Variants in PDE4D observed in about 807,000 individuals in gnomAD.
PDE4D encodes the protein 3',5'-cyclic-AMP phosphodiesterase 4D.
A neutral mutation model predicts 87.4 loss-of-function variants in PDE4D; 24 were observed. The observed-to-expected ratio is 0.27, with a 90% CI of 0.20 to 0.39. The LOEUF (loss-of-function observed/expected upper bound fraction) is 0.39, where lower values mean the gene tolerates loss of function less well. Ranked by LOEUF, PDE4D falls within the 10% of genes least tolerant of loss-of-function variation. The pLI is 1.00. For missense variants in PDE4D, 714 were observed against 1,041.0 expected, an observed-to-expected ratio of 0.69 and a Z score of 4.32; for synonymous variants, 384 against 383.2, an observed-to-expected ratio of 1.00 and a Z score of -0.02.
intron 1 of PDE4D, among the ~76,000 whole-genome samples, chr5:59,271,052 T>TTA (rs3061615): frequency 1.3e-5 from 2 of 149,802 alleles, no homozygotes; most frequent in Admixed American, 6.6e-5. Flanking sequence ...TTTTTTTTTT[T>TTA]AAATTGAGAC....
Position 59,406,855 on chromosome 5 carries a change from G to A in PDE4D, c.456-190887C>T, listed in dbSNP as rs1044893671. 3.3e-5 allele frequency among the ~76,000 whole-genome samples: 5 copies of A among 152,166 alleles called. No homozygotes were observed. The East Asian group carries it at 9.7e-4, about 29-fold the overall frequency. On this transcript the variant is annotated intron_variant, in intron 1 of 14. Transcript: ENST00000340635. ...CTACGAAGTTTATTTTTTCTGAAACGTCTATTTGTTTCTTAAACTCTTTTT... is the reference window on the plus strand; with the variant it reads ...CTACGAAGTTTATTTTTTCTGAAACATCTATTTGTTTCTTAAACTCTTTTT...
intron 1 of PDE4D, among the ~76,000 whole-genome samples, chr5:59,645,811 GT>G (rs1277580960): frequency 6.6e-6 from 1 of 152,196 alleles, no homozygotes; most frequent in African/African-American, 2.4e-5. Flanking sequence ...TATTTCCCAA[GT>G]TTGGTCACAG....
At chr5:60,454,897 A>C (rs1304229679) in intron 1 of PDE4D, among the ~76,000 whole-genome samples, 4 of 152,106 alleles carry the variant, frequency 2.6e-5, no homozygotes, top group Non-Finnish European at 4.4e-5. Flanking sequence ...CGGGGAGTGT[A>C]AACAAGAGAG....
In PDE4D at chr5:59,586,816, G is replaced by A. The variant is rs1583227597; in HGVS notation, c.455+306352C>T. 11 of 985,382 alleles carry A rather than the reference G, an allele frequency of 1.1e-5. No homozygotes were observed. The African/African-American group carries it at 1.4e-4, about 12-fold the overall frequency. 61.0% of individuals were successfully genotyped at this position (985,382 alleles called of 1,614,324 possible). A position where few individuals can be genotyped will look rare whatever the true frequency, so the allele number is the denominator to read the frequency against. ...ATCCTTGTTAAAGAAGTGTTAGAAGGGAAATGGAAAACTTCAGGTTGCTTT... is the reference window on the plus strand; with the variant it reads ...ATCCTTGTTAAAGAAGTGTTAGAAGAGAAATGGAAAACTTCAGGTTGCTTT... On this transcript the variant is annotated intron_variant, in intron 1 of 14. Transcript: ENST00000340635.
At chr5:60,342,993 A>G (rs1454415467) in intron 1 of PDE4D, among the ~76,000 whole-genome samples, 1 of 152,218 alleles carries the variant, frequency 6.6e-6, no homozygotes, top group East Asian at 1.9e-4. Context: ...TTTTAATGCC[A>G]TGCTACAGAA....
intron 2 of PDE4D, among the ~76,000 whole-genome samples, chr5:59,196,001 G>A (rs906646420): frequency 2.6e-5 from 4 of 152,086 alleles, no homozygotes; most frequent in African/African-American, 7.2e-5. Flanking sequence ...GAAAAGAAGA[G>A]ATGAGGACCT....
At chr5:59,245,372 A>G (rs1230786953) in intron 1 of PDE4D, among the ~76,000 whole-genome samples, 1 of 152,252 alleles carries the variant, frequency 6.6e-6, no homozygotes, top group East Asian at 1.9e-4. Context: ...TAAATAAGCA[A>G]TATCATATAA....
chr5:59,789,521 T>C lies in PDE4D; in HGVS notation c.455+103647A>G, dbSNP rs141516942. The stretch of plus-strand genomic sequence containing the variant: ...GATTTGTGTCTGGGGAAAAACAGTA[T>C]TACTTGGAATGATTGTAATTTTCTT... On this transcript the variant is annotated intron_variant, in intron 1 of 14. Coordinates refer to ENST00000340635, the MANE Select transcript of PDE4D (RefSeq NM_001104631.2). 1.1e-3 allele frequency among the ~76,000 whole-genome samples: 162 copies of C among 152,352 alleles called. 2 individuals are homozygous for C. The East Asian group carries it at 0.022, about 21-fold the overall frequency.
chr5:60,512,445 T>C (rs1750619353), intron 1 of PDE4D, among the ~76,000 whole-genome samples: 2 of 152,140 alleles, frequency 1.3e-5, no homozygotes, highest in Admixed American at 6.6e-5. Flanking sequence ...GCATTCAATC[T>C]GCAGATGTAA....
chr5:59,081,716 T>G (rs1766808875), intron 5 of PDE4D, among the ~76,000 whole-genome samples: 1 of 152,142 alleles, frequency 6.6e-6, no homozygotes, highest in South Asian at 2.1e-4. Flanking sequence ...AAAGTATTAC[T>G]TTTATGATAT....
intron 1 of PDE4D, among the ~76,000 whole-genome samples, chr5:59,226,941 G>T (rs764320523): frequency 2.6e-5 from 4 of 152,110 alleles, no homozygotes; most frequent in Non-Finnish European, 5.9e-5. Context: ...AACAAGTAGA[G>T]ATTTATTTCT....
intron 2 of PDE4D, chr5:60,147,599 C>A: frequency 4.1e-6 from 1 of 245,050 alleles, no homozygotes; most frequent in South Asian, 3.7e-5. Flanking sequence ...CTTAAAGCAA[C>A]AAATATCTCT....
intron 1 of PDE4D, among the ~76,000 whole-genome samples, chr5:59,284,563 C>T (rs949710055): frequency 1.3e-5 from 2 of 150,026 alleles, no homozygotes; most frequent in African/African-American, 4.9e-5. Flanking sequence ...CAGGAAACAA[C>T]AGGTGCTGGA....
At chr5:59,925,447 G>T (rs1206718684) in intron 3 of PDE4D, among the ~76,000 whole-genome samples, 1 of 152,004 alleles carries the variant, frequency 6.6e-6, no homozygotes, top group African/African-American at 2.4e-5. Flanking sequence ...AAGACAGGAA[G>T]GAAGGAAAGA....
At chr5:59,132,144 G>A (rs1477607751) in intron 5 of PDE4D, among the ~76,000 whole-genome samples, 1 of 152,134 alleles carries the variant, frequency 6.6e-6, no homozygotes, top group Admixed American at 6.5e-5. Context: ...AATGTAAAAA[G>A]TTTAATAATA....
At chr5:59,971,317 C>T (rs1281476277) in intron 3 of PDE4D, among the ~76,000 whole-genome samples, 1 of 149,464 alleles carries the variant, frequency 6.7e-6, no homozygotes, top group Non-Finnish European at 1.5e-5. Context: ...CGTAACTAAC[C>T]TGCACAATGT....
chr5:60,294,838 T>C (rs568498970), intron 1 of PDE4D, among the ~76,000 whole-genome samples: 1 of 152,224 alleles, frequency 6.6e-6, no homozygotes, highest in Admixed American at 6.5e-5. Context: ...TTCTGACTAT[T>C]CTACCTTCTT....
At chr5:60,084,662 C>T (rs988973263) in intron 2 of PDE4D, among the ~76,000 whole-genome samples, 2 of 152,244 alleles carry the variant, frequency 1.3e-5, no homozygotes, top group East Asian at 3.8e-4. Flanking sequence ...AAACACGTAA[C>T]TCTCTTAAAG....
At chr5:60,468,642 C>T (rs1395272461) in intron 1 of PDE4D, among the ~76,000 whole-genome samples, 1 of 151,658 alleles carries the variant, frequency 6.6e-6, no homozygotes, top group Non-Finnish European at 1.5e-5. Context: ...GTCAGGGTTA[C>T]TTTTTAAGTA....
Sources: allele counts gnomAD v4.1 joint callset (sites outside exome capture counted in the v4.1 genomes callset), GRCh38; gene constraint gnomAD v4.1.1; transcripts MANE v1.5; gene names NCBI Gene and HGNC (gene_info 2026-07-23, HGNC 2026-07-21).